RFX6: variants seen among roughly 807,000 people sequenced by gnomAD.
RFX6 encodes the protein DNA-binding protein RFX6.
A neutral mutation model predicts 110.8 loss-of-function variants in RFX6; 50 were observed. The ratio of observed to expected loss-of-function variants is 0.45; its 90% CI spans 0.36 to 0.57. RFX6 has a LOEUF of 0.57. Among genes scored for constraint, RFX6 ranks in the 20% least tolerant of loss-of-function variants. The pLI is 0.00. For synonymous variants in RFX6, 383 were observed against 411.2 expected, an observed-to-expected ratio of 0.93 and a Z score of 0.83; for missense variants, 990 against 1,127.0, an observed-to-expected ratio of 0.88 and a Z score of 1.74.
intron 18 of RFX6, among the ~76,000 whole-genome samples, chr6:116,930,280 TAGAC>T (rs3073158): frequency 0.24 from 36,776 of 151,862 alleles, 4,806 homozygotes; most frequent in South Asian, 0.42. Flanking sequence ...GCCTGGTTCT[TAGAC>T]AGAGAGCACG....
chr6:116,891,744 T>C (rs1175137138), intron 4 of RFX6, among the ~76,000 whole-genome samples: 1 of 152,216 alleles, frequency 6.6e-6, no homozygotes, highest in Non-Finnish European at 1.5e-5. Context: ...GTTTTAAATA[T>C]TTCTCTTACC....
chr6:116,921,519 C>A (rs937075138), intron 12 of RFX6, among the ~76,000 whole-genome samples: 3 of 152,124 alleles, frequency 2.0e-5, no homozygotes, highest in African/African-American at 7.2e-5. Flanking sequence ...AAGATTTAAA[C>A]CTATATTTCA....
At chr6:116,921,119 A>G (rs1775585236) in intron 12 of RFX6, among the ~76,000 whole-genome samples, 1 of 152,206 alleles carries the variant, frequency 6.6e-6, no homozygotes, top group African/African-American at 2.4e-5. Context: ...CTTTGAAAAG[A>G]CAAAACCTGC....
intron 14 of RFX6, 128 bp downstream of exon 14, chr6:116,923,352 G>A: frequency 2.8e-6 from 2 of 710,646 alleles, no homozygotes; most frequent in African/African-American, 1.7e-5. Flanking sequence ...ATGGAGCTAT[G>A]AGAAAATGGT....
chr6:116,902,014 G>T (rs962351261), intron 6 of RFX6, among the ~76,000 whole-genome samples: 2 of 151,960 alleles, frequency 1.3e-5, no homozygotes, highest in Non-Finnish European at 2.9e-5. Flanking sequence ...GGGTATGAGC[G>T]AATGAATGAT....
At position 116,880,627 on chromosome 6, in the gene RFX6, A is replaced by G. The variant is rs1166167960; in HGVS notation, c.464A>G (p.Lys155Arg). 26 of 1,613,394 alleles carry G rather than the reference A, an allele frequency of 1.6e-5. No homozygotes were observed. In the East Asian group the frequency reaches 5.8e-4, roughly 36 times the overall value. ...LYAHYLDFCR[K>R]EKLEPACAAT... ...GCACACTACTTAGATTTCTGTAGGA[A>G]AGAGAAATTAGAGCCAGCCTGTGCG... is the stretch of plus-strand genomic sequence containing the variant. The change falls in exon 3 of 19, where the codon AAA becomes AGA. Residue 155 changes from lysine (K) to arginine (R), a missense_variant. Around this residue, in one of 5 missense-constraint regions of RFX6, gnomAD observed 243 missense variants for 353.1 expected, o/e 0.69. Coordinates refer to ENST00000332958, the MANE Select transcript of RFX6 (RefSeq NM_173560.4).
In RFX6 at chr6:116,927,226, CTT is replaced by C. The variant is rs1300306570; in HGVS notation, c.2088_2089del (p.Phe696LeufsTer2). 6.2e-7 allele frequency: 1 copy of C among 1,614,108 alleles called. No homozygotes were observed. Among genetic ancestry groups the C allele is most frequent in the Non-Finnish European group, 8.5e-7 (1 of 1,180,044 alleles). The part of the protein sequence containing the change: ...YPTLPQANHD[F>X]YSTSSNYQTV... ...CCACTCTCCCTCAAGCCAATCATGA[CTT>C]TTATAGCACCAGCTCTAACTACCAG... On this transcript the variant is annotated frameshift_variant, in exon 17 of 19. Transcript: ENST00000332958. LOFTEE classifies it high-confidence loss of function.
intron 6 of RFX6, among the ~76,000 whole-genome samples, chr6:116,899,784 A>G (rs1056173146): frequency 3.3e-5 from 5 of 152,192 alleles, no homozygotes; most frequent in Non-Finnish European, 7.4e-5. Flanking sequence ...CTAAGCATAA[A>G]AGCAGTTTAA....
chr6:116,903,845 A>G (rs1419507800), intron 6 of RFX6, among the ~76,000 whole-genome samples: 2 of 151,902 alleles, frequency 1.3e-5, no homozygotes, highest in African/African-American at 4.8e-5. Flanking sequence ...TATTCATTCC[A>G]TTGTGGATGG....
In RFX6 at chr6:116,895,203, A is replaced by C; in HGVS notation, c.668A>C (p.Asn223Thr). Reference sequence around the variant, plus strand: ...AGGTTTTCTGGAAGCAAGCTAAAGAATGAGGTAAGAATTATTTTCATCTCT... The same window carrying C: ...AGGTTTTCTGGAAGCAAGCTAAAGACTGAGGTAAGAATTATTTTCATCTCT... Reference protein sequence around the residue: ...LTRFSGSKLKNEGGFTRKYSL... With the variant: ...LTRFSGSKLKTEGGFTRKYSL... The change falls in exon 6 of 19, where the codon AAT becomes ACT. Residue 223 changes from asparagine (N) to threonine (T), a missense_variant. By Grantham distance (65) the Asn-to-Thr change is moderately conservative. Transcript: ENST00000332958. 6.8e-7 allele frequency: 1 copy of C among 1,471,792 alleles called. No individual in the cohort carries two copies. 91.2% of individuals were successfully genotyped at this position (1,471,792 alleles called of 1,614,324 possible). A position where few individuals can be genotyped will look rare whatever the true frequency, so the allele number is the denominator to read the frequency against.
intron 6 of RFX6, among the ~76,000 whole-genome samples, chr6:116,895,859 T>A (rs1774934794): frequency 6.6e-6 from 1 of 152,132 alleles, no homozygotes; most frequent in Middle Eastern, 3.2e-3. Context: ...CACATGACAA[T>A]GTGTTGTGTA....
chr6:116,884,423 C>T (rs1024507109), intron 4 of RFX6, among the ~76,000 whole-genome samples: 3 of 152,020 alleles, frequency 2.0e-5, no homozygotes, highest in Admixed American at 2.0e-4. Context: ...TTAATGTTAA[C>T]ATTATTGTGG....
intron 10 of RFX6, among the ~76,000 whole-genome samples, 196 bp downstream of exon 10, chr6:116,918,282 A>G (rs1775514172): frequency 6.6e-6 from 1 of 152,142 alleles, no homozygotes; most frequent in Admixed American, 6.6e-5. Flanking sequence ...ACAATCCTTC[A>G]ATCCCTTTAA....
At chr6:116,926,716 A>T (rs559430184) in intron 16 of RFX6, among the ~76,000 whole-genome samples, 1 of 152,226 alleles carries the variant, frequency 6.6e-6, no homozygotes, top group South Asian at 2.1e-4. Context: ...TAATTTTTTA[A>T]TTATGGGGAA....
chr6:116,928,013 A>C (rs1775786593), intron 17 of RFX6, among the ~76,000 whole-genome samples: 1 of 151,468 alleles, frequency 6.6e-6, no homozygotes, highest in Admixed American at 6.6e-5. Context: ...CAAAATGCTG[A>C]GGTGCCTCCC....
rs1186954513 is a variant in RFX6 at position 116,923,216 on chromosome 6, C to A, written c.1547C>A (p.Ser516Tyr). Residue 516 changes from serine (S) to tyrosine (Y), a missense_variant, in exon 14 of 19, where the codon TCC becomes TAC. Around this residue, in one of 5 missense-constraint regions of RFX6, gnomAD observed 89 missense variants for 140.3 expected, o/e 0.63. Transcript: ENST00000332958. ...VMHNLTLNNA[S>Y]SFGSFHLIRM... ...CATAATCTCACCTTGAACAATGCATCCAGTTTTGGTAACATACGTGCATTA... is the reference window on the plus strand; with the variant it reads ...CATAATCTCACCTTGAACAATGCATACAGTTTTGGTAACATACGTGCATTA... The A allele has an allele frequency of 1.4e-6, 2 of 1,465,490 alleles. No homozygotes were observed. The highest frequency in any genetic ancestry group is 1.9e-6 in the Non-Finnish European group (2 of 1,045,524). 90.8% of individuals were successfully genotyped at this position (1,465,490 alleles called of 1,614,324 possible). A position where few individuals can be genotyped will look rare whatever the true frequency, so the allele number is the denominator to read the frequency against.
At chr6:116,917,083 T>G (rs533319604) in intron 9 of RFX6, among the ~76,000 whole-genome samples, 1 of 152,246 alleles carries the variant, frequency 6.6e-6, no homozygotes, top group East Asian at 1.9e-4. Context: ...TCCTTCTAAG[T>G]TAGTTGCCAC....
At chr6:116,883,422 G>A (rs1582509449) in intron 4 of RFX6, among the ~76,000 whole-genome samples, 1 of 152,000 alleles carries the variant, frequency 6.6e-6, no homozygotes, top group African/African-American at 2.4e-5. Context: ...ATCCAGCACT[G>A]ATCAATGAAA....
chr6:116,922,575 C>T (rs1775625774), intron 13 of RFX6, among the ~76,000 whole-genome samples: 1 of 152,176 alleles, frequency 6.6e-6, no homozygotes, highest in Non-Finnish European at 1.5e-5. Flanking sequence ...TGTGTTTTCT[C>T]TGTGGTTTCT....
Sources: allele counts gnomAD v4.1 joint callset (sites outside exome capture counted in the v4.1 genomes callset), GRCh38; gene constraint gnomAD v4.1.1; regional missense constraint gnomAD v4.1.1; transcripts MANE v1.5; gene names NCBI Gene and HGNC (gene_info 2026-07-23, HGNC 2026-07-21).